Variants in ANKFY1 observed in about 807,000 individuals in gnomAD.
ANKFY1 encodes ankyrin repeat and FYVE domain containing 1.
In ANKFY1, 47 loss-of-function variants were observed where a neutral mutation model predicts 128.3. That is an observed-to-expected ratio of 0.37 (90% CI 0.29 to 0.47). The LOEUF is 0.47. Among genes scored for constraint, ANKFY1 ranks in the 20% least tolerant of loss-of-function variants. ANKFY1 has a pLI of 1.00. For synonymous variants in ANKFY1, 553 were observed against 601.6 expected, an observed-to-expected ratio of 0.92 and a Z score of 1.18; for missense variants, 1,222 against 1,510.6, an observed-to-expected ratio of 0.81 and a Z score of 3.17.
rs1006578092 is a variant in ANKFY1 at position 4,249,024 on chromosome 17, A to G, written c.11-6576T>C. Reference sequence around the variant, plus strand: ...GCTTAAGACAAAAAAATCTTCATTCATTACAAATAGCCTAAAATAAAGAGT... The same window carrying G: ...GCTTAAGACAAAAAAATCTTCATTCGTTACAAATAGCCTAAAATAAAGAGT... On this transcript the variant is annotated intron_variant, in intron 1 of 24. Transcript: ENST00000341657. The G allele has an allele frequency of 1.0e-5, 6 of 595,208 alleles. No homozygotes were observed. In the African/African-American group the frequency reaches 1.2e-4, roughly 12 times the overall value. The allele number at this position is 595,208 out of a possible 1,614,324, so 36.9% of individuals were successfully genotyped here. A position where few individuals can be genotyped will look rare whatever the true frequency, so the allele number is the denominator to read the frequency against.
At chr17:4,254,922 C>T (rs1020023437) in intron 1 of ANKFY1, among the ~76,000 whole-genome samples, 1 of 151,972 alleles carries the variant, frequency 6.6e-6, no homozygotes, top group Non-Finnish European at 1.5e-5. Context: ...AGTGAGTTGC[C>T]TAAAATCACA....
intron 4 of ANKFY1, among the ~76,000 whole-genome samples, chr17:4,212,916 A>G (rs890346331): frequency 6.7e-6 from 1 of 149,516 alleles, no homozygotes; most frequent in Non-Finnish European, 1.5e-5. Flanking sequence ...GATTACAGGC[A>G]TGTGCCGCCA....
chr17:4,228,218 A>G (rs942324129), intron 3 of ANKFY1, among the ~76,000 whole-genome samples: 3 of 152,196 alleles, frequency 2.0e-5, no homozygotes, highest in African/African-American at 7.2e-5. Context: ...GTCAAAATCT[A>G]TATGCTAAAA....
At chr17:4,253,372 C>T (rs1013392847) in intron 1 of ANKFY1, among the ~76,000 whole-genome samples, 2 of 152,170 alleles carry the variant, frequency 1.3e-5, no homozygotes, top group Non-Finnish European at 2.9e-5. Context: ...CATGATTGTG[C>T]TGGTGGTTAT....
Position 4,170,756 on chromosome 17 carries a change from T to C in ANKFY1, c.3245A>G (p.Asn1082Ser). The change falls in exon 23 of 25, where the codon AAC becomes AGC. Residue 1082 changes from asparagine to serine, a missense_variant. Transcript: ENST00000341657. Reference protein sequence around the residue: ...VNNNQGVNIFNYQVATKQLLF... With the variant: ...VNNNQGVNIFSYQVATKQLLF... The stretch of plus-strand genomic sequence containing the variant: ...GAGCTGCTTGGTGGCGACCTGGTAG[T>C]TGAAGATGTTGACTCCCTGGTTGTT... The C allele has an allele frequency of 6.2e-7, 1 of 1,614,008 alleles. No individual in the cohort carries two copies. The highest frequency in any genetic ancestry group is 8.5e-7 in the Non-Finnish European group (1 of 1,179,932).
intron 3 of ANKFY1, 112 bp from the exon 4 acceptor site, chr17:4,217,230 T>A: frequency 8.4e-7 from 1 of 1,189,156 alleles, no homozygotes; most frequent in Non-Finnish European, 1.2e-6. Context: ...ATACCCAACT[T>A]AAAGGAATAT....
rs937734735 is a variant in ANKFY1 at position 4,177,046 on chromosome 17, A to G, written c.2775+80T>C. 43 of 1,365,182 alleles carry G rather than the reference A, an allele frequency of 3.1e-5. No homozygotes were observed. The Admixed American group carries it at 5.4e-4, about 17-fold the overall frequency. The allele number at this position is 1,365,182 out of a possible 1,614,324, so 84.6% of individuals were successfully genotyped here. A position where few individuals can be genotyped will look rare whatever the true frequency, so the allele number is the denominator to read the frequency against. On this transcript the variant is annotated intron_variant, in intron 19 of 24. Transcript: ENST00000341657. ...GTGCTTTCACAACACCGGGCAAAGC[A>G]CCTGTGATGAGATTCTGCACAAGCT...
At chr17:4,254,050 A>G (rs1967983649) in intron 1 of ANKFY1, among the ~76,000 whole-genome samples, 3 of 152,154 alleles carry the variant, frequency 2.0e-5, no homozygotes, top group Non-Finnish European at 4.4e-5. Flanking sequence ...TCACGCCTGT[A>G]ATCCCAGCAC....
intron 2 of ANKFY1, among the ~76,000 whole-genome samples, chr17:4,240,562 TTGTAGTTTTA>T (rs1221962847): frequency 6.6e-6 from 1 of 152,044 alleles, no homozygotes; most frequent in African/African-American, 2.4e-5. Flanking sequence ...CAGCTAATTT[TTGTAGTTTTA>T]GTAGAGACAG....
At chr17:4,220,739 T>C (rs139891333) in intron 3 of ANKFY1, among the ~76,000 whole-genome samples, 66 of 152,244 alleles carry the variant, frequency 4.3e-4, no homozygotes, top group African/African-American at 1.5e-3. Flanking sequence ...GGTATAAGGG[T>C]AGGCAGAGAA....
intron 10 of ANKFY1, among the ~76,000 whole-genome samples, chr17:4,192,489 C>G (rs879491967): frequency 3.7e-4 from 56 of 150,900 alleles, no homozygotes; most frequent in Non-Finnish European, 5.5e-4. Context: ...TTACTCTAAT[C>G]TGGAGACTCC....
chr17:4,217,377 T>C (rs1029656016), intron 3 of ANKFY1, among the ~76,000 whole-genome samples: 4 of 152,110 alleles, frequency 2.6e-5, no homozygotes, highest in African/African-American at 9.7e-5. Context: ...TGAAACCCCA[T>C]GTCTACTAAA....
chr17:4,249,023 C>G (rs1357908525), intron 1 of ANKFY1: 1 of 562,180 alleles, frequency 1.8e-6, no homozygotes, highest in Admixed American at 6.4e-5. Context: ...AATCTTCATT[C>G]ATTACAAATA....
At chr17:4,229,824 G>A (rs1026535778) in intron 3 of ANKFY1, among the ~76,000 whole-genome samples, 5 of 152,226 alleles carry the variant, frequency 3.3e-5, no homozygotes, top group African/African-American at 1.2e-4. Flanking sequence ...AGAGAGCTAG[G>A]AAGAAGCCAC....
Position 4,169,829 on chromosome 17 carries a change from G to A in ANKFY1, c.3287-541C>T, listed in dbSNP as rs2059281797. Among the ~76,000 whole-genome samples the A allele has an allele frequency of 6.6e-6, 1 of 152,182 alleles. No homozygotes were observed. The highest frequency in any genetic ancestry group is 6.5e-5 in the Admixed American group (1 of 15,292). Reference sequence around the variant, plus strand: ...CTAAGTTTTCACATCTAGTTTGGGAGTTACTAATGCAGACAGGAATGACAA... The same window carrying A: ...CTAAGTTTTCACATCTAGTTTGGGAATTACTAATGCAGACAGGAATGACAA... On this transcript the variant is annotated intron_variant, in intron 23 of 24. Transcript: ENST00000341657. This position sits in a 1 kb window ranked among gnomAD's most constrained non-coding sequence, Gnocchi z 5.0.
Position 4,242,341 on chromosome 17 carries a change from G to A in ANKFY1, c.118C>T (p.Gln40Ter). The A allele has an allele frequency of 6.2e-7, 1 of 1,602,626 alleles. No homozygotes were observed. Among genetic ancestry groups the A allele is most frequent in the Non-Finnish European group, 8.5e-7 (1 of 1,175,844 alleles). ...TCGCTGCTGCTCTCCTTGTTTGCCT[G>A]CGCAGCCAAGAGAGCGCAGCGCTTC... ...TEKRCALLAA[Q>*]ANKESSSESF... The change falls in exon 2 of 25, where the codon CAG becomes TAG. Residue 40 changes from glutamine (Q) to a stop codon, truncating the protein, a stop_gained. Coordinates refer to ENST00000341657, the MANE Select transcript of ANKFY1 (RefSeq NM_001330063.2). LOFTEE classifies it high-confidence loss of function.
chr17:4,202,981 C>CACATATAT (rs56856304), intron 7 of ANKFY1, among the ~76,000 whole-genome samples: 6 of 146,302 alleles, frequency 4.1e-5, no homozygotes, highest in African/African-American at 1.0e-4. Flanking sequence ...TAATCATACA[C>CACATATAT]ATATATATAT....
At chr17:4,235,951 G>C in intron 2 of ANKFY1, 61 bp from the exon 3 acceptor site, 1 of 1,212,038 alleles carries the variant, frequency 8.3e-7, no homozygotes. Flanking sequence ...GTATAGCTAG[G>C]ATTCACAGCT....
intron 4 of ANKFY1, among the ~76,000 whole-genome samples, chr17:4,215,506 T>C (rs1353273707): frequency 6.6e-6 from 1 of 152,106 alleles, no homozygotes; most frequent in Non-Finnish European, 1.5e-5. Context: ...ATCTCAAGCA[T>C]GTAATTCCTT....
Sources: allele counts gnomAD v4.1 joint callset (sites outside exome capture counted in the v4.1 genomes callset), GRCh38; gene constraint gnomAD v4.1.1; non-coding constraint Gnocchi (gnomAD v3.1); transcripts MANE v1.5; gene names NCBI Gene and HGNC (gene_info 2026-07-23, HGNC 2026-07-21).